NPIPB6: variants seen among roughly 807,000 people sequenced by gnomAD.
NPIPB6 encodes nuclear pore complex-interacting protein family member B6.
Under a neutral mutation model 20.0 loss-of-function variants are expected in NPIPB6, and 2 were observed. The ratio of observed to expected loss-of-function variants is 0.10; its 90% CI spans 0.04 to 0.31. The LOEUF (loss-of-function observed/expected upper bound fraction) is 0.31. Ranked by LOEUF, NPIPB6 falls within the 10% of genes least tolerant of loss-of-function variation. The pLI, the probability that NPIPB6 is intolerant of heterozygous loss-of-function variation, is 1.00. For missense variants in NPIPB6, 96 were observed against 293.7 expected (o/e 0.33, Z 4.92); for synonymous variants, 35 against 116.3 (o/e 0.30, Z 4.50).
In NPIPB6 at chr16:28,342,767, T is replaced by A; in HGVS notation, c.1118A>T (p.Lys373Ile). ...CTCATCCACCCTCCGCCTCTTGGGT[T>A]TCGGTGATTGTTCCACCTCATCCAC... Residue 373 changes from lysine to isoleucine, a missense_variant, in exon 7 of 7, where the codon AAA (lysine) becomes ATA (isoleucine). Coordinates refer to ENST00000532254, the Ensembl canonical transcript of NPIPB6. 1.9e-6 allele frequency: 3 copies of A among 1,598,708 alleles called. No homozygotes were observed. The East Asian group carries it at 6.9e-5, about 37-fold the overall frequency.
In NPIPB6 at chr16:28,359,036, C is replaced by T. The variant is rs1303235283; in HGVS notation, c.120+3667G>A. Among the ~76,000 whole-genome samples the T allele has an allele frequency of 2.0e-4, 23 of 112,606 alleles. No individual in the cohort carries two copies. The South Asian group carries it at 2.2e-3, about 11-fold the overall frequency. 73.9% of individuals were successfully genotyped at this position (112,606 alleles called of 152,430 possible). ...GGCGGAGGTTGCAGTGAGCCGAGAT[C>T]GTACCATTGCACTCCAGCCTGGGTA... On this transcript the variant is annotated intron_variant, in intron 1 of 6. Transcript: ENST00000532254.
At chr16:28,361,699 C>T (rs879277616) in intron 1 of NPIPB6, among the ~76,000 whole-genome samples, 13 of 146,954 alleles carry the variant, frequency 8.8e-5, no homozygotes, top group South Asian at 4.3e-4. Context: ...CCAGCCTGGG[C>T]GACAGAGTGA....
In NPIPB6 at chr16:28,348,281, T is replaced by TA. The variant is rs1254547184; in HGVS notation, c.599+552dup. Among the ~76,000 whole-genome samples the TA allele has an allele frequency of 4.2e-3, 390 of 92,672 alleles. 34 individuals are homozygous for TA. Among genetic ancestry groups the TA allele is most frequent in the South Asian group, 0.02 (62 of 3,098 alleles). The allele number at this position is 92,672 out of a possible 152,430, so 60.8% of individuals were successfully genotyped here. On this transcript the variant is annotated intron_variant, in intron 4 of 6. Coordinates refer to ENST00000532254, the Ensembl canonical transcript of NPIPB6. ...AGAGCGAGATTCTATCTCAAAATTT[T>TA]AAAAAAAAAAAAAAAAGGCTGGGTG...
intron 2 of NPIPB6, among the ~76,000 whole-genome samples, chr16:28,349,515 C>G (rs1157515130): frequency 5.7e-5 from 5 of 87,938 alleles, no homozygotes; most frequent in African/African-American, 1.5e-4. Context: ...CACACCACTG[C>G]ACTCCAGCCT....
exon 7 of NPIPB6, chr16:28,342,641 C>T: frequency 6.5e-7 from 1 of 1,533,324 alleles, no homozygotes; most frequent in South Asian, 1.2e-5. Context: ...GGCTTGAGTG[C>T]AATGGCGTGT....
At chr16:28,350,161 C>T (rs1403974687) in intron 2 of NPIPB6, among the ~76,000 whole-genome samples, 191 of 101,384 alleles carry the variant, frequency 1.9e-3, no homozygotes, top group African/African-American at 6.2e-3. Flanking sequence ...CCCACCACTG[C>T]ACTCCAGCCT....
intron 1 of NPIPB6, among the ~76,000 whole-genome samples, chr16:28,360,514 T>A (rs1279286510): frequency 2.3e-5 from 3 of 130,516 alleles, no homozygotes; most frequent in African/African-American, 7.9e-5. Context: ...TGGCTGAGGA[T>A]AAAGCAAATC....
intron 1 of NPIPB6, among the ~76,000 whole-genome samples, chr16:28,355,063 G>T (rs1376825785): frequency 2.5e-3 from 262 of 106,054 alleles, no homozygotes; most frequent in East Asian, 9.3e-3. Context: ...ATTAATTCCA[G>T]TAGACTCTTA....
intron 1 of NPIPB6, among the ~76,000 whole-genome samples, chr16:28,360,510 A>T (rs1230458888): frequency 7.7e-6 from 1 of 130,288 alleles, no homozygotes; most frequent in Non-Finnish European, 1.8e-5. Flanking sequence ...CACCTGGCTG[A>T]GGATAAAGCA....
At chr16:28,355,297 G>A (rs1304565241) in intron 1 of NPIPB6, among the ~76,000 whole-genome samples, 3 of 132,564 alleles carry the variant, frequency 2.3e-5, no homozygotes, top group African/African-American at 8.7e-5. Flanking sequence ...TACAACAATG[G>A]TAATGATTTC....
At position 28,346,341 on chromosome 16, in the gene NPIPB6, T is replaced by C; in HGVS notation, c.600-1588A>G. 4 of 788,062 alleles carry C rather than the reference T, an allele frequency of 5.1e-6. 2 individuals carry two copies. The highest frequency in any genetic ancestry group is 3.0e-6 in the Non-Finnish European group (2 of 660,878). The allele number at this position is 788,062 out of a possible 1,614,324, so 48.8% of individuals were successfully genotyped here. ...TGAGACCTGATTCTCAGTCAGAGGC[T>C]GATGCCGGAACTGAGACCATCAGCC... On this transcript the variant is annotated intron_variant, in intron 4 of 6. Coordinates refer to ENST00000532254, the Ensembl canonical transcript of NPIPB6.
intron 1 of NPIPB6, among the ~76,000 whole-genome samples, chr16:28,359,131 G>A (rs1454683424): frequency 7.0e-6 from 1 of 142,472 alleles, no homozygotes; most frequent in Non-Finnish European, 1.5e-5. Flanking sequence ...GGTTGTGTTG[G>A]TTGTAAAAGG....
intron 2 of NPIPB6, among the ~76,000 whole-genome samples, chr16:28,349,547 T>TCA (rs71225064): frequency 0.1 from 5,745 of 57,592 alleles, 133 homozygotes; most frequent in South Asian, 0.23. Context: ...TGAGACTCTG[T>TCA]CACACACACA....
rs1035245632 is a variant in NPIPB6, at chr16:28,346,347, C to T, written c.600-1594G>A. On this transcript the variant is annotated intron_variant, in intron 4 of 6. Transcript: ENST00000532254. Reference sequence around the variant, plus strand: ...CTGATTCTCAGTCAGAGGCTGATGCCGGAACTGAGACCATCAGCCATAGAG... The same window carrying T: ...CTGATTCTCAGTCAGAGGCTGATGCTGGAACTGAGACCATCAGCCATAGAG... 1.6e-3 allele frequency: 1,252 copies of T among 760,780 alleles called. 281 individuals are homozygous for T. Among genetic ancestry groups the T allele is most frequent in the Middle Eastern group, 3.6e-3 (6 of 1,672 alleles). The allele number at this position is 760,780 out of a possible 1,614,324, so 47.1% of individuals were successfully genotyped here.
At position 28,355,956 on chromosome 16, in the gene NPIPB6, C is replaced by T. The variant is rs1455028557; in HGVS notation, c.121-2895G>A. Among the ~76,000 whole-genome samples the T allele has an allele frequency of 1.8e-5, 2 of 111,768 alleles. 1 individual carries two copies. The highest frequency in any genetic ancestry group is 4.0e-5 in the Non-Finnish European group (2 of 50,600). The allele number at this position is 111,768 out of a possible 152,430, so 73.3% of individuals were successfully genotyped here. A position where few individuals can be genotyped will look rare whatever the true frequency, so the allele number is the denominator to read the frequency against. ...GGTCAAGAGATGGAGACTATCCTGG[C>T]GAACATGGTGAAACCCCGTCTCTAC... On this transcript the variant is annotated intron_variant, in intron 1 of 6. Transcript: ENST00000532254.
chr16:28,353,772 TGTCACCCAGGCTG>T, intron 1 of NPIPB6, among the ~76,000 whole-genome samples: 1 of 1,170 alleles, frequency 8.5e-4, no homozygotes, highest in South Asian at 5.1e-3. Context: ...GGTCTCACTC[TGTCACCCAGGCTG>T]GAGTGCAGTG....
chr16:28,359,025 T>C (rs2045369646), intron 1 of NPIPB6, among the ~76,000 whole-genome samples: 2 of 107,878 alleles, frequency 1.9e-5, no homozygotes, highest in South Asian at 5.4e-4. Flanking sequence ...GAGGTTGCAG[T>C]GAGCCGAGAT....
intron 2 of NPIPB6, among the ~76,000 whole-genome samples, chr16:28,349,578 C>CACACACAA (rs2045173773): frequency 9.5e-6 from 1 of 104,982 alleles, no homozygotes; most frequent in African/African-American, 3.4e-5. Flanking sequence ...CACACACACA[C>CACACACAA]ACACACACAC....
exon 7 of NPIPB6, chr16:28,342,972 G>A (rs2411936): frequency 6.6e-7 from 1 of 1,513,932 alleles, no homozygotes; most frequent in African/African-American, 1.4e-5. Flanking sequence ...AGAGGAGCAA[G>A]AGGACACTCC....
Sources: gnomAD v4.1 joint callset for allele counts (sites outside exome capture counted in the v4.1 genomes callset) on GRCh38, gnomAD v4.1.1 for gene constraint, MANE v1.5 for transcripts, NCBI Gene and HGNC (gene_info 2026-07-23, HGNC 2026-07-21) for gene names.